The following IL18BP variants were observed in gnomAD, a reference collection of about 807,000 sequenced individuals.
IL18BP encodes interleukin 18 binding protein.
In IL18BP, 23 loss-of-function variants were observed where a neutral mutation model predicts 19.9. That is an observed-to-expected ratio of 1.15 (90% CI 0.83 to 1.64). The LOEUF is 1.64. Ranked by LOEUF, IL18BP falls within the 40% of genes most tolerant of loss-of-function variation. The pLI is 0.00. For synonymous variants in IL18BP, 107 were observed against 101.0 expected (o/e 1.06, Z -0.35); for missense variants, 239 against 240.7 (o/e 0.99, Z 0.05).
At chr11:72,004,521 A>T, downstream of IL18BP, 5 of 1,238,142 alleles carry the variant, frequency 4.0e-6, no homozygotes, top group Non-Finnish European at 4.5e-6. Flanking sequence ...AGGCCCTTGG[A>T]GAGAGGGAAA....
At chr11:72,005,785 A>G (rs893287284), downstream of IL18BP, 2 of 545,716 alleles carry the variant, frequency 3.7e-6, no homozygotes, top group Admixed American at 3.4e-5. Context: ...AGGACTCCCC[A>G]CAGCTAAGTG....
At chr11:72,003,995 A>G (rs2134331078), downstream of IL18BP, 2 of 1,613,282 alleles carry the variant, frequency 1.2e-6, no homozygotes, top group Non-Finnish European at 1.7e-6. Flanking sequence ...TGTTGGGGGA[A>G]GCCTTGGACA....
chr11:72,001,131 A>G (rs1955200965), intron 3 of IL18BP, 70 bp from the exon 4 acceptor site: 14 of 1,589,290 alleles, frequency 8.8e-6, no homozygotes, highest in Non-Finnish European at 1.2e-5. Context: ...GCTGGCAGGG[A>G]GGGCACAGCA....
chr11:72,003,783 A>C, downstream of IL18BP: 1 of 1,255,258 alleles, frequency 8.0e-7, no homozygotes, highest in Non-Finnish European at 1.1e-6. Context: ...CACACCCTCC[A>C]GCAGCCTGGC....
At chr11:72,003,878 T>C (rs1176298353), downstream of IL18BP, 1 of 1,613,202 alleles carries the variant, frequency 6.2e-7, no homozygotes, top group Non-Finnish European at 8.5e-7. Context: ...ATCCTGCCAG[T>C]GCCTCTACCT....
downstream of IL18BP, chr11:72,004,352 G>C: frequency 6.2e-7 from 1 of 1,608,472 alleles, no homozygotes; most frequent in Non-Finnish European, 8.5e-7. Flanking sequence ...CTATGGAGAA[G>C]AGGACAGTTA....
At chr11:72,005,426 G>A (rs890955102), downstream of IL18BP, 2 of 1,561,964 alleles carry the variant, frequency 1.3e-6, no homozygotes, top group Non-Finnish European at 1.7e-6. Flanking sequence ...GTCACCTCCT[G>A]GCCCTGGCAT....
Position 72,000,493 on chromosome 11 carries a change from G to A in IL18BP, c.171G>A (p.Val57=). 1 of 1,613,906 alleles carries A rather than the reference G, an allele frequency of 6.2e-7. No individual in the cohort carries two copies. The highest frequency in any genetic ancestry group is 8.5e-7 in the Non-Finnish European group (1 of 1,180,030). The change falls in exon 3 of 6, where the codon GTG becomes GTA. Residue 57 remains valine (V), a synonymous_variant. Coordinates refer to ENST00000393703, the MANE Select transcript of IL18BP (RefSeq NM_001039660.2). The part of the protein sequence containing the change: ...TKDPCPSQPP[V]FPAAKQCPAL... ...ACCCCTGCCCCTCCCAGCCCCCAGT[G>A]TTCCCAGCAGCTAAGCAGTGTCCAG...
Position 72,000,024 on chromosome 11 carries a change from G to A in IL18BP, c.28+12G>A, listed in dbSNP as rs1955126309. 1 of 1,613,738 alleles carries A rather than the reference G, an allele frequency of 6.2e-7. No individual in the cohort carries two copies. ...CAACTGGACACCAGGTAGGCCTTGG[G>A]GCTACGCATGGGCAGGCGGGGTAGG... is the stretch of plus-strand genomic sequence containing the variant. On this transcript the variant is annotated intron_variant, in intron 2 of 5. Transcript: ENST00000393703.
At chr11:72,006,254 C>T (rs7949430), downstream of IL18BP, 7,026 of 1,613,910 alleles carry the variant, frequency 4.4e-3, 304 homozygotes, top group African/African-American at 0.082. Flanking sequence ...GGCTCTTCCA[C>T]ATCTAGCTTC....
At chr11:72,005,665 C>G (rs908366492), downstream of IL18BP, 1 of 501,124 alleles carries the variant, frequency 2.0e-6, no homozygotes, top group African/African-American at 2.0e-5. Context: ...AATTAAGGAC[C>G]GGGAATTAAT....
downstream of IL18BP, chr11:72,006,295 C>T: frequency 6.3e-7 from 1 of 1,584,642 alleles, no homozygotes; most frequent in Non-Finnish European, 8.7e-7. Flanking sequence ...TTGCAGTGTA[C>T]AGTCCCTGGC....
At position 72,001,129 on chromosome 11, in the gene IL18BP, G is replaced by A. The variant is rs1892919; in HGVS notation, c.236-72G>A. 1,460,348 of 1,588,732 alleles carry A rather than the reference G, an allele frequency of 0.92. 674,560 individuals carry two copies. The highest frequency in any genetic ancestry group is 0.95 in the Non-Finnish European group (1,103,738 of 1,163,974). On this transcript the variant is annotated intron_variant, in intron 3 of 5. Coordinates refer to ENST00000393703, the MANE Select transcript of IL18BP (RefSeq NM_001039660.2). ...CATGGGGACTGGGGGGAGCTGGCAG[G>A]GAGGGCACAGCAGAGCAGGGTAGGG...
At chr11:72,007,739 C>A (rs1456755510), downstream of IL18BP, 21 of 436,942 alleles carry the variant, frequency 4.8e-5, no homozygotes, top group South Asian at 4.4e-4. Flanking sequence ...CTTCTCTGTT[C>A]TTCCTCCTGC....
chr11:72,006,051 G>A (rs1955665245), downstream of IL18BP: 2 of 1,612,374 alleles, frequency 1.2e-6, no homozygotes, highest in Admixed American at 1.7e-5. Flanking sequence ...GGGCCCCACT[G>A]GACACCCCGG....
chr11:72,005,123 C>A (rs779993737), downstream of IL18BP: 1 of 1,276,208 alleles, frequency 7.8e-7, no homozygotes, highest in Non-Finnish European at 1.1e-6. Flanking sequence ...CACCCTCCCC[C>A]TCCTCGGCCA....
downstream of IL18BP, among the ~76,000 whole-genome samples, chr11:72,006,917 C>T (rs114711936): frequency 6.8e-3 from 1,036 of 152,356 alleles, 2 homozygotes; most frequent in African/African-American, 0.016. Flanking sequence ...AGCTTCGCCA[C>T]GTTCTCTCCC....
downstream of IL18BP, chr11:72,005,410 C>A: frequency 6.3e-7 from 1 of 1,589,414 alleles, no homozygotes; most frequent in East Asian, 2.3e-5. Flanking sequence ...AGCCTGGAGT[C>A]GGCAGGTCAC....
downstream of IL18BP, chr11:72,003,458 C>T: frequency 6.8e-7 from 1 of 1,476,294 alleles, no homozygotes; most frequent in Non-Finnish European, 9.5e-7. Flanking sequence ...CTGAGAGGGA[C>T]AGTAGGCGGA....
Sources: allele counts gnomAD v4.1 joint callset (sites outside exome capture counted in the v4.1 genomes callset), GRCh38; gene constraint gnomAD v4.1.1; transcripts MANE v1.5; gene names NCBI Gene and HGNC (gene_info 2026-07-23, HGNC 2026-07-21).